Variants in ATP10D observed in about 807,000 individuals in gnomAD.
ATP10D encodes the protein ATPase phospholipid transporting 10D (putative).
ATP10D carries 89 observed loss-of-function variants against 144.8 expected under a neutral mutation model. That is an observed-to-expected ratio of 0.61 (90% CI 0.52 to 0.73). The LOEUF is 0.73. Ranked by LOEUF, ATP10D falls within the 30% of genes least tolerant of loss-of-function variation. The pLI is 0.00. For synonymous variants in ATP10D, 571 were observed against 615.1 expected (o/e 0.93, Z 1.06); for missense variants, 1,603 against 1,714.8 (o/e 0.93, Z 1.15).
chr4:47,580,453 T>C lies in ATP10D; in HGVS notation c.3623T>C (p.Leu1208Pro). Residue 1208 changes from leucine to proline, a missense_variant, in exon 20 of 23, where the codon CTG becomes CCG. By Grantham distance (98) the Leu-to-Pro change is moderately conservative. Transcript: ENST00000273859. ...TTATTGGATGCTTTTTATCAAAGCC[T>C]GGTCTGCTTCTTTGTGCCTTATTTT... ...ITLLDAFYQS[L>P]VCFFVPYFTY... The C allele has an allele frequency of 6.2e-7, 1 of 1,613,586 alleles. No individual in the cohort carries two copies. The highest frequency in any genetic ancestry group is 8.5e-7 in the Non-Finnish European group (1 of 1,179,540).
chr4:47,567,274 C>CTG (rs753923151), intron 15 of ATP10D, among the ~76,000 whole-genome samples: 3 of 152,054 alleles, frequency 2.0e-5, no homozygotes, highest in African/African-American at 7.2e-5. Context: ...TGAAGATTAG[C>CTG]TGTGTGTGTG....
chr4:47,585,369 G>A (rs529606898), intron 21 of ATP10D, among the ~76,000 whole-genome samples: 6 of 151,614 alleles, frequency 4.0e-5, no homozygotes, highest in Non-Finnish European at 7.4e-5. Context: ...ATTTTTGTGG[G>A]TACATAGTAG....
intron 3 of ATP10D, among the ~76,000 whole-genome samples, chr4:47,522,166 G>A (rs189359927): frequency 1.3e-5 from 2 of 152,218 alleles, no homozygotes; most frequent in East Asian, 1.9e-4. Flanking sequence ...CATGACACAT[G>A]ACATTCTACT....
chr4:47,512,508 G>A lies in ATP10D; in HGVS notation c.-33G>A. 6.4e-7 allele frequency: 1 copy of A among 1,562,530 alleles called. No individual in the cohort carries two copies. On this transcript the variant is annotated 5_prime_UTR_variant, in exon 2 of 23. Coordinates refer to ENST00000273859, the MANE Select transcript of ATP10D (RefSeq NM_020453.4). The stretch of plus-strand genomic sequence containing the variant: ...TGGTTTTTGTTTGTTTGCCAGGTCA[G>A]CTACACAACCTGGATCTTACCACAG...
At chr4:47,544,248 A>G (rs753146185) in intron 9 of ATP10D, among the ~76,000 whole-genome samples, 7 of 152,252 alleles carry the variant, frequency 4.6e-5, no homozygotes, top group South Asian at 2.1e-4. Context: ...TGCCTGGTAC[A>G]TAAGCAAATG....
intron 1 of ATP10D, among the ~76,000 whole-genome samples, chr4:47,488,616 A>C (rs899704176): frequency 0.024 from 1,053 of 44,246 alleles, 9 homozygotes; most frequent in African/African-American, 0.11. Context: ...AATAAGCAAA[A>C]AAAAAAAAAA....
intron 1 of ATP10D, among the ~76,000 whole-genome samples, chr4:47,487,698 T>C (rs1303343429): frequency 6.6e-6 from 1 of 152,218 alleles, no homozygotes; most frequent in Non-Finnish European, 1.5e-5. Flanking sequence ...ATAGAAACAA[T>C]ACTTTTTTAT....
intron 1 of ATP10D, among the ~76,000 whole-genome samples, chr4:47,490,733 T>G (rs374146280): frequency 6.6e-6 from 1 of 152,242 alleles, no homozygotes; most frequent in East Asian, 1.9e-4. Context: ...CAGATTGTTG[T>G]GTTGCCCTTG....
chr4:47,591,287 G>T lies in ATP10D; in HGVS notation c.4187G>T (p.Gly1396Val). The change falls in exon 23 of 23, where the codon GGA becomes GTA. Residue 1396 changes from glycine (G) to valine (V), a missense_variant. Physicochemically the swap from Gly to Val is moderately radical, Grantham distance 109 (BLOSUM62 -3). Transcript: ENST00000273859. ...GCAAGTTCCTGTGCTATTGAGCAAG[G>T]AAACTTATCTCTGTGTGAAACTGCT... is the stretch of plus-strand genomic sequence containing the variant. The part of the protein sequence containing the change: ...KSASSCAIEQ[G>V]NLSLCETALD... 1 of 1,613,546 alleles carries T rather than the reference G, an allele frequency of 6.2e-7. No homozygotes were observed. The highest frequency in any genetic ancestry group is 8.5e-7 in the Non-Finnish European group (1 of 1,179,564).
intron 5 of ATP10D, among the ~76,000 whole-genome samples, chr4:47,527,150 A>G (rs1320798885): frequency 5.3e-5 from 8 of 152,152 alleles, no homozygotes; most frequent in Admixed American, 5.2e-4. Flanking sequence ...AAATAGACTG[A>G]CACATTTATG....
At chr4:47,563,882 GTTGT>G (rs950207422) in intron 15 of ATP10D, 117 bp downstream of exon 15, 36 of 1,077,818 alleles carry the variant, frequency 3.3e-5, no homozygotes, top group African/African-American at 8.2e-5. Context: ...AGCTTTTTTT[GTTGT>G]TTGTTTGTTT....
rs1717855932 is a variant in ATP10D at position 47,536,531 on chromosome 4, TTA to T, written c.1114_1115del (p.Met372ValfsTer34). 6.2e-7 allele frequency: 1 copy of T among 1,613,518 alleles called. No individual in the cohort carries two copies. Among genetic ancestry groups the T allele is most frequent in the African/African-American group, 1.3e-5 (1 of 74,896 alleles). ...HIISPLLAGF[Y>X]MFWTMIILLQ... Reference sequence around the variant, plus strand: ...TCATATCACCACTGTTGGCAGGATTTTATATGTTTTGGACCATGATCATTTTG... The same window carrying T: ...TCATATCACCACTGTTGGCAGGATTTTATGTTTTGGACCATGATCATTTTG... On this transcript the variant is annotated frameshift_variant, in exon 8 of 23. Coordinates refer to ENST00000273859, the MANE Select transcript of ATP10D (RefSeq NM_020453.4). LOFTEE classifies it high-confidence loss of function.
At chr4:47,515,862 G>A (rs1263502803) in intron 3 of ATP10D, among the ~76,000 whole-genome samples, 192 bp downstream of exon 3, 1 of 152,174 alleles carries the variant, frequency 6.6e-6, no homozygotes, top group Non-Finnish European at 1.5e-5. Context: ...AAACAAAAAC[G>A]TATAAGCCAT....
chr4:47,552,420 C>T (rs1718773758), intron 10 of ATP10D, among the ~76,000 whole-genome samples: 1 of 152,196 alleles, frequency 6.6e-6, no homozygotes, highest in Admixed American at 6.5e-5. Context: ...GATTTGGGGT[C>T]TGGTGAGGGC....
At chr4:47,582,466 G>A (rs1426276766) in intron 21 of ATP10D, among the ~76,000 whole-genome samples, 1 of 151,968 alleles carries the variant, frequency 6.6e-6, no homozygotes, top group East Asian at 1.9e-4. Flanking sequence ...ATCTTTTTTG[G>A]CTCTCCTTTG....
chr4:47,588,942 T>A (rs1387747058), intron 22 of ATP10D, among the ~76,000 whole-genome samples: 1 of 152,188 alleles, frequency 6.6e-6, no homozygotes. Flanking sequence ...GTAAATTTTA[T>A]CTTATGTGGC....
intron 5 of ATP10D, among the ~76,000 whole-genome samples, chr4:47,534,621 T>A (rs955953806): frequency 2.0e-5 from 3 of 152,200 alleles, no homozygotes; most frequent in East Asian, 3.8e-4. Context: ...TTTTAACCAT[T>A]GATTTTAGCA....
chr4:47,535,805 G>C (rs952630668), intron 6 of ATP10D, 97 bp from the exon 7 acceptor site: 1 of 1,413,694 alleles, frequency 7.1e-7, no homozygotes, highest in Non-Finnish European at 9.5e-7. Flanking sequence ...ATGTAACTGT[G>C]TTTTATTAAA....
intron 1 of ATP10D, among the ~76,000 whole-genome samples, chr4:47,487,688 A>G (rs1235587092): frequency 6.6e-6 from 1 of 152,252 alleles, no homozygotes; most frequent in Non-Finnish European, 1.5e-5. Flanking sequence ...CATTTTAGCC[A>G]TAGAAACAAT....
Sources: allele counts gnomAD v4.1 joint callset (sites outside exome capture counted in the v4.1 genomes callset), GRCh38; gene constraint gnomAD v4.1.1; transcripts MANE v1.5; gene names NCBI Gene and HGNC (gene_info 2026-07-23, HGNC 2026-07-21).